Variants in VPS37A observed in about 807,000 individuals in gnomAD.
VPS37A encodes the protein vacuolar protein sorting-associated protein 37A.
VPS37A carries 30 observed loss-of-function variants against 49.8 expected under a neutral mutation model. The ratio of observed to expected loss-of-function variants is 0.60; its 90% CI spans 0.45 to 0.82. VPS37A has a LOEUF of 0.82. Among genes scored for constraint, VPS37A ranks in the 40% least tolerant of loss-of-function variants. The pLI is 0.00. For missense variants in VPS37A, 593 were observed against 464.4 expected, an observed-to-expected ratio of 1.28 and a Z score of -2.55; for synonymous variants, 195 against 160.6, an observed-to-expected ratio of 1.21 and a Z score of -1.62.
rs142112159 is a variant in VPS37A at position 17,272,381 on chromosome 8, T to C, written c.417-2352T>C. 3.9e-3 allele frequency among the ~76,000 whole-genome samples: 597 copies of C among 152,328 alleles called. 5 individuals carry two copies. The highest frequency in any genetic ancestry group is 0.014 in the African/African-American group (567 of 41,572). On this transcript the variant is annotated intron_variant, in intron 4 of 11. Transcript: ENST00000324849. Reference sequence around the variant, plus strand: ...TATGTTCTAGAGTCCTGAGTCCTTATTTTCAGATAAAAAATGTATTCAAAA... The same window carrying C: ...TATGTTCTAGAGTCCTGAGTCCTTACTTTCAGATAAAAAATGTATTCAAAA...
In VPS37A at chr8:17,291,478, G is replaced by T. The variant is rs190035074; in HGVS notation, c.*1-3509G>T. On this transcript the variant is annotated intron_variant, in intron 11 of 11. Coordinates refer to ENST00000324849, the MANE Select transcript of VPS37A (RefSeq NM_152415.3). ...GTTTTTCGTGTCTCTGTCTCTTTAA[G>T]TTCTGCTCTGATCTTGGTTATTTCT... Among the ~76,000 whole-genome samples, 647 of 137,806 alleles carry T rather than the reference G, an allele frequency of 4.7e-3. 5 individuals carry two copies. Among genetic ancestry groups the T allele is most frequent in the African/African-American group, 0.016 (586 of 36,494 alleles). 90.4% of individuals were successfully genotyped at this position (137,806 alleles called of 152,430 possible). A position where few individuals can be genotyped will look rare whatever the true frequency, so the allele number is the denominator to read the frequency against.
At chr8:17,305,131 A>T (rs1817369260), downstream of VPS37A, among the ~76,000 whole-genome samples, 1 of 152,222 alleles carries the variant, frequency 6.6e-6, no homozygotes, top group Non-Finnish European at 1.5e-5. Flanking sequence ...TATCCACTAC[A>T]AAAATTAATT....
chr8:17,276,736 G>A (rs536177954), intron 6 of VPS37A, among the ~76,000 whole-genome samples: 23 of 152,098 alleles, frequency 1.5e-4, no homozygotes, highest in Admixed American at 3.3e-4. Context: ...CATGTGGCCT[G>A]CATTCTTTGA....
At chr8:17,326,921 G>A in the VPS37A span, among the ~76,000 whole-genome samples, 1 of 152,164 alleles carries the variant, frequency 6.6e-6, no homozygotes, top group Admixed American at 6.6e-5. Flanking sequence ...ACCATAGCAA[G>A]TATTTTGTAA....
intron 1 of VPS37A, chr8:17,265,687 C>A: frequency 1.6e-6 from 2 of 1,255,618 alleles, no homozygotes; most frequent in Non-Finnish European, 2.2e-6. Flanking sequence ...CATCATCATC[C>A]CCCTTCCCCT....
chr8:17,274,892 C>T lies in VPS37A; in HGVS notation c.576C>T (p.Ala192=), dbSNP rs371205699. ...CAAGTCATACCACAGCCAAGCCTGC[C>T]GCTCCTTCATTTGGTGTCCTTTCAA... is the stretch of plus-strand genomic sequence containing the variant. ...STTSHTTAKP[A]APSFGVLSNL... The change falls in exon 5 of 12, where the codon GCC becomes GCT. Residue 192 remains alanine, a synonymous_variant. Coordinates refer to ENST00000324849, the MANE Select transcript of VPS37A (RefSeq NM_152415.3). 81 of 1,613,952 alleles carry T rather than the reference C, an allele frequency of 5.0e-5. No homozygotes were observed. The highest frequency in any genetic ancestry group is 6.7e-5 in the African/African-American group (5 of 74,884).
At chr8:17,309,613 A>G in the VPS37A span, among the ~76,000 whole-genome samples, 1 of 152,204 alleles carries the variant, frequency 6.6e-6, no homozygotes, top group Admixed American at 6.5e-5. Context: ...TGCTTTACGT[A>G]TGATCTCTAA....
intron 11 of VPS37A, among the ~76,000 whole-genome samples, chr8:17,291,203 G>C (rs1816116734): frequency 6.6e-6 from 1 of 152,030 alleles, no homozygotes; most frequent in Non-Finnish European, 1.5e-5. Context: ...AGTAGAGATG[G>C]GGTTTCACCA....
chr8:17,313,292 C>T, the VPS37A span: 1 of 1,602,950 alleles, frequency 6.2e-7, no homozygotes, highest in Non-Finnish European at 8.5e-7. Context: ...AATTGCATAC[C>T]TTTGCAATGA....
At position 17,247,851 on chromosome 8, in the gene VPS37A, T is replaced by G; in HGVS notation, c.125+482T>G. ...TTTTCATCAGTGAATGCTTCTCGTC[T>G]GAGAGTCACTTATCACGTAGTCAGT... On this transcript the variant is annotated intron_variant, in intron 1 of 11. Transcript: ENST00000324849. 5.9e-6 allele frequency: 4 copies of G among 680,520 alleles called. No individual in the cohort carries two copies. The South Asian group carries it at 6.3e-5, about 11-fold the overall frequency. The allele number at this position is 680,520 out of a possible 1,614,324, so 42.2% of individuals were successfully genotyped here.
At chr8:17,258,594 T>C (rs71526111) in intron 1 of VPS37A, among the ~76,000 whole-genome samples, 1 of 152,112 alleles carries the variant, frequency 6.6e-6, no homozygotes, top group Non-Finnish European at 1.5e-5. Flanking sequence ...TATTGGCCTG[T>C]AGTTTTCTTT....
At chr8:17,284,749 T>A in intron 10 of VPS37A, 133 bp downstream of exon 10, 3 of 1,145,096 alleles carry the variant, frequency 2.6e-6, no homozygotes, top group Non-Finnish European at 3.5e-6. Flanking sequence ...TATATTTACC[T>A]GAAAGGAAGG....
At chr8:17,257,895 T>C (rs555474612) in intron 1 of VPS37A, among the ~76,000 whole-genome samples, 1 of 152,336 alleles carries the variant, frequency 6.6e-6, no homozygotes, top group Admixed American at 6.5e-5. Flanking sequence ...TTATATTCTT[T>C]GTAACTATTG....
intron 4 of VPS37A, among the ~76,000 whole-genome samples, chr8:17,271,340 TC>T (rs1813966872): frequency 6.6e-6 from 1 of 152,110 alleles, no homozygotes; most frequent in Non-Finnish European, 1.5e-5. Context: ...GCGCGGTGGC[TC>T]ACGCCTGTAA....
the VPS37A span, among the ~76,000 whole-genome samples, chr8:17,328,247 G>C: frequency 6.6e-6 from 1 of 152,098 alleles, no homozygotes; most frequent in Non-Finnish European, 1.5e-5. Flanking sequence ...TCCCAGTGGG[G>C]CACACCCTCA....
At chr8:17,278,467 G>C (rs9644664) in intron 6 of VPS37A, among the ~76,000 whole-genome samples, 5 of 151,810 alleles carry the variant, frequency 3.3e-5, no homozygotes, top group South Asian at 2.1e-4. Flanking sequence ...ATTATCACCT[G>C]TCACAATAAT....
At chr8:17,325,352 A>G in the VPS37A span, among the ~76,000 whole-genome samples, 1 of 152,182 alleles carries the variant, frequency 6.6e-6, no homozygotes, top group Admixed American at 6.5e-5. Flanking sequence ...TGAAGATTTC[A>G]ATCCATCAGG....
chr8:17,263,914 C>A (rs1261789872), intron 1 of VPS37A, among the ~76,000 whole-genome samples: 1 of 152,148 alleles, frequency 6.6e-6, no homozygotes, highest in Non-Finnish European at 1.5e-5. Context: ...ACACTCCAGC[C>A]TGGGCAACAG....
downstream of VPS37A, among the ~76,000 whole-genome samples, chr8:17,306,949 T>G (rs1004420514): frequency 2.6e-5 from 4 of 152,118 alleles, no homozygotes; most frequent in African/African-American, 9.7e-5. Context: ...GAAGAAAACC[T>G]AGGCAATACC....
Sources: gnomAD v4.1 joint callset for allele counts (sites outside exome capture counted in the v4.1 genomes callset) on GRCh38, gnomAD v4.1.1 for gene constraint, MANE v1.5 for transcripts, NCBI Gene and HGNC (gene_info 2026-07-23, HGNC 2026-07-21) for gene names.